ARPC3: variants seen among roughly 807,000 people sequenced by gnomAD.
ARPC3 encodes the protein actin-related protein 2/3 complex subunit 3.
In ARPC3, 12 loss-of-function variants were observed where a neutral mutation model predicts 27.6. The ratio of observed to expected loss-of-function variants is 0.43; its 90% CI spans 0.28 to 0.70. The LOEUF (loss-of-function observed/expected upper bound fraction) is 0.70. Ranked by LOEUF, ARPC3 falls within the 30% of genes least tolerant of loss-of-function variation. The pLI is 0.17. For missense variants in ARPC3, 153 were observed against 207.7 expected (o/e 0.74, Z 1.62); for synonymous variants, 53 against 67.2 (o/e 0.79, Z 1.03).
intron 1 of ARPC3, among the ~76,000 whole-genome samples, chr12:110,446,039 G>T (rs1475423299): frequency 3.3e-5 from 5 of 151,486 alleles, no homozygotes; most frequent in Non-Finnish European, 5.9e-5. Flanking sequence ...GGAGGCGAAG[G>T]CTGCAGTGAG....
At position 110,434,902 on chromosome 12, in the gene ARPC3, G is replaced by T; in HGVS notation, c.*253C>A. The T allele has an allele frequency of 1.5e-6, 1 of 648,896 alleles. No homozygotes were observed. Among genetic ancestry groups the T allele is most frequent in the Non-Finnish European group, 2.8e-6 (1 of 355,696 alleles). The allele number at this position is 648,896 out of a possible 1,614,324, so 40.2% of individuals were successfully genotyped here. A position where few individuals can be genotyped will look rare whatever the true frequency, so the allele number is the denominator to read the frequency against. On this transcript the variant is annotated 3_prime_UTR_variant, in exon 7 of 7. Coordinates refer to ENST00000228825, the MANE Select transcript of ARPC3 (RefSeq NM_001278556.2). ...ACTGGCAATAAAGTTTTTCTGACAT[G>T]GAATGTTAGAAATTTCTTTATTATT... is the stretch of plus-strand genomic sequence containing the variant.
At chr12:110,437,195 TAAC>T in intron 3 of ARPC3, 43 bp from the exon 4 acceptor site, 1 of 1,324,220 alleles carries the variant, frequency 7.6e-7, no homozygotes, top group Non-Finnish European at 1.1e-6. Flanking sequence ...TATCAAAACA[TAAC>T]AATGATGTGC....
At chr12:110,449,440 T>TA (rs993395178) in intron 1 of ARPC3, among the ~76,000 whole-genome samples, 8 of 151,910 alleles carry the variant, frequency 5.3e-5, no homozygotes, top group African/African-American at 1.5e-4. Flanking sequence ...CGCGCGCCTG[T>TA]AATCTCAGCT....
chr12:110,449,452 C>T (rs2135507225), intron 1 of ARPC3, among the ~76,000 whole-genome samples: 1 of 152,112 alleles, frequency 6.6e-6, no homozygotes. Context: ...ATCTCAGCTA[C>T]CCGGGAGGCT....
Position 110,450,047 on chromosome 12 carries a change from C to T in ARPC3, c.6+208G>A, listed in dbSNP as rs188817468. ...TCCTCACACACCCTGGACCCTTGGC[C>T]CACTCCTGCCGCGCCCCCGCCTCCC... On this transcript the variant is annotated intron_variant, in intron 1 of 6. Transcript: ENST00000228825. Among the ~76,000 whole-genome samples, 1,044 of 152,270 alleles carry T rather than the reference C, an allele frequency of 6.9e-3. 1 individual carries two copies. Among genetic ancestry groups the T allele is most frequent in the Non-Finnish European group, 9.4e-3 (638 of 68,014 alleles).
chr12:110,436,438 T>C (rs2062404087), intron 5 of ARPC3, 119 bp downstream of exon 5: 1 of 1,504,308 alleles, frequency 6.6e-7, no homozygotes, highest in South Asian at 1.1e-5. Flanking sequence ...GATAATGTAC[T>C]TCCTATGATT....
intron 1 of ARPC3, among the ~76,000 whole-genome samples, chr12:110,447,233 T>C (rs1320639225): frequency 1.3e-5 from 2 of 152,202 alleles, no homozygotes; most frequent in Non-Finnish European, 2.9e-5. Context: ...TTCCCTTCAG[T>C]GGGTAGGTGT....
At chr12:110,437,391 G>A (rs1052159623) in intron 3 of ARPC3, 13 of 444,834 alleles carry the variant, frequency 2.9e-5, no homozygotes, top group Admixed American at 1.8e-4. Context: ...TTTTTGAGAC[G>A]GAGTCTTGCT....
At chr12:110,436,005 G>A (rs1334138125) in intron 6 of ARPC3, 105 bp downstream of exon 6, 2 of 899,840 alleles carry the variant, frequency 2.2e-6, no homozygotes, top group Non-Finnish European at 3.7e-6. Flanking sequence ...ACATTGCAAT[G>A]CAGAAATTAA....
At chr12:110,442,286 T>C (rs549363310) in intron 2 of ARPC3, among the ~76,000 whole-genome samples, 1 of 152,270 alleles carries the variant, frequency 6.6e-6, no homozygotes, top group East Asian at 1.9e-4. Flanking sequence ...CACTGAGACA[T>C]AGACTAACTT....
rs767883070 is a variant in ARPC3, at chr12:110,434,960, G to A, written c.*195C>T. 7.2e-5 allele frequency: 51 copies of A among 710,656 alleles called. No homozygotes were observed. The highest frequency in any genetic ancestry group is 1.2e-4 in the Non-Finnish European group (45 of 382,210). The allele number at this position is 710,656 out of a possible 1,614,324, so 44.0% of individuals were successfully genotyped here. A position where few individuals can be genotyped will look rare whatever the true frequency, so the allele number is the denominator to read the frequency against. ...CTTATTAAGCGCCAGCTTTAATGCT[G>A]CAGAAAATTTCAAATCACCCTTGAT... On this transcript the variant is annotated 3_prime_UTR_variant, in exon 7 of 7. Transcript: ENST00000228825.
chr12:110,436,701 T>TATATATATACACACACACAC lies in ARPC3; in HGVS notation c.253-19_253-18insGTGTGTGTGTGTATATATAT. On this transcript the variant is annotated intron_variant, in intron 4 of 6. Coordinates refer to ENST00000228825, the MANE Select transcript of ARPC3 (RefSeq NM_001278556.2). ...GAATTGCACTGGAAAAAAAAATATA[T>TATATATATACACACACACAC]ATATATATATACACACACACACACA... The TATATATATACACACACACAC allele has an allele frequency of 3.2e-6, 2 of 619,724 alleles. No individual in the cohort carries two copies. Among genetic ancestry groups the TATATATATACACACACACAC allele is most frequent in the Non-Finnish European group, 5.3e-6 (2 of 376,038 alleles). The allele number at this position is 619,724 out of a possible 1,614,324, so 38.4% of individuals were successfully genotyped here. A position where few individuals can be genotyped will look rare whatever the true frequency, so the allele number is the denominator to read the frequency against.
Position 110,447,264 on chromosome 12 carries a change from A to T in ARPC3, c.7-1713T>A, listed in dbSNP as rs139446226. Among the ~76,000 whole-genome samples the T allele has an allele frequency of 7.1e-4, 108 of 152,372 alleles. No individual in the cohort carries two copies. In the East Asian group the frequency reaches 0.017, roughly 24 times the overall value. ...GGTGTGTGTTAAAGGAAGGGATAAA[A>T]AAAATCACATTTATGAGAGCATTTT... is the stretch of plus-strand genomic sequence containing the variant. On this transcript the variant is annotated intron_variant, in intron 1 of 6. Coordinates refer to ENST00000228825, the MANE Select transcript of ARPC3 (RefSeq NM_001278556.2).
chr12:110,435,151 C>G lies in ARPC3; in HGVS notation c.*4G>C. 1.2e-6 allele frequency: 2 copies of G among 1,613,292 alleles called. No individual in the cohort carries two copies. The highest frequency in any genetic ancestry group is 1.7e-6 in the Non-Finnish European group (2 of 1,179,446). Reference sequence around the variant, plus strand: ...TCTGGAGACGGTGGCTGCCCGGGCTCCCTTCACTGTCCAGGTCCTGAAAGA... The same window carrying G: ...TCTGGAGACGGTGGCTGCCCGGGCTGCCTTCACTGTCCAGGTCCTGAAAGA... On this transcript the variant is annotated 3_prime_UTR_variant, in exon 7 of 7. Coordinates refer to ENST00000228825, the MANE Select transcript of ARPC3 (RefSeq NM_001278556.2).
rs368321036 is a variant in ARPC3 at position 110,440,393 on chromosome 12, G to T, written c.107-5C>A. 21 of 1,601,450 alleles carry T rather than the reference G, an allele frequency of 1.3e-5. No individual in the cohort carries two copies. The highest frequency in any genetic ancestry group is 2.7e-5 in the African/African-American group (2 of 74,630). On this transcript the variant is annotated splice_region_variant and splice_polypyrimidine_tract_variant and intron_variant, in intron 2 of 6. Transcript: ENST00000228825. ...CCACAATATCTGTATCTTTTGCTAA[G>T]CAGGACACAAGGGAAGGAGCACAGA...
chr12:110,442,850 GAC>G (rs1448833052), intron 2 of ARPC3: 4 of 152,122 alleles, frequency 2.6e-5, no homozygotes, highest in African/African-American at 4.8e-5. Flanking sequence ...CAGATCTCAT[GAC>G]ACAATTTGTT....
chr12:110,450,207 CT>C, intron 1 of ARPC3, 47 bp downstream of exon 1: 1 of 1,613,036 alleles, frequency 6.2e-7, no homozygotes, highest in Middle Eastern at 1.7e-4. Flanking sequence ...TTTCTCTCTG[CT>C]CTTCGCAATC....
chr12:110,437,643 C>A (rs2062413698), intron 3 of ARPC3, among the ~76,000 whole-genome samples: 1 of 152,284 alleles, frequency 6.6e-6, no homozygotes, highest in South Asian at 2.1e-4. Flanking sequence ...GCTGGGATTA[C>A]AGGCATGAGC....
At chr12:110,445,336 A>G (rs2062458287) in intron 2 of ARPC3, 116 bp downstream of exon 2, 2 of 813,892 alleles carry the variant, frequency 2.5e-6, no homozygotes, top group South Asian at 2.8e-5. Flanking sequence ...CTACCAAGCA[A>G]AGTACAAGGG....
Sources: gnomAD v4.1 joint callset for allele counts (sites outside exome capture counted in the v4.1 genomes callset) on GRCh38, gnomAD v4.1.1 for gene constraint, MANE v1.5 for transcripts, NCBI Gene and HGNC (gene_info 2026-07-23, HGNC 2026-07-21) for gene names.